Variants in SLC30A6 observed in about 807,000 individuals in gnomAD.
SLC30A6 encodes the protein solute carrier family 30 member 6, also known as zinc transporter 6.
In SLC30A6, 55 loss-of-function variants were observed where a neutral mutation model predicts 63.0. The observed-to-expected ratio is 0.87, with a 90% CI of 0.70 to 1.09. The LOEUF is 1.09. Among genes scored for constraint, SLC30A6 ranks in the 50% least tolerant of loss-of-function variants. The probability of loss-of-function intolerance (pLI) is 0.00; values close to 1 mark genes in which losing one functional copy is unlikely to be tolerated. For synonymous variants in SLC30A6, 224 were observed against 186.1 expected (o/e 1.20, Z -1.66); for missense variants, 587 against 549.2 (o/e 1.07, Z -0.69).
intron 13 of SLC30A6, among the ~76,000 whole-genome samples, chr2:32,212,894 A>ATTTTTTTTTT: frequency 8.5e-6 from 1 of 118,244 alleles, no homozygotes; most frequent in African/African-American, 3.2e-5. Context: ...TGTGTCCAGC[A>ATTTTTTTTTT]TTTTTTTTTT....
chr2:32,211,368 A>C (rs187996811), intron 13 of SLC30A6, among the ~76,000 whole-genome samples: 8 of 152,248 alleles, frequency 5.3e-5, no homozygotes, highest in African/African-American at 1.9e-4. Context: ...GATTGGATAT[A>C]AACTCTTCAG....
intron 12 of SLC30A6, among the ~76,000 whole-genome samples, chr2:32,208,026 G>C (rs978719044): frequency 2.6e-5 from 4 of 151,462 alleles, no homozygotes; most frequent in African/African-American, 9.7e-5. Context: ...TAGAGACGGG[G>C]TTTCACCATG....
At position 32,186,710 on chromosome 2, in the gene SLC30A6, T is replaced by G. The variant is rs528652180; in HGVS notation, c.284+2372T>G. ...CTGTCTCAAAAAAAAAAAAATTAGT[T>G]TGGGGAGTCAGATGCAGTGGCTCAT... On this transcript the variant is annotated intron_variant, in intron 5 of 13. Coordinates refer to ENST00000282587, the MANE Select transcript of SLC30A6 (RefSeq NM_017964.5). Among the ~76,000 whole-genome samples, 67 of 146,762 alleles carry G rather than the reference T, an allele frequency of 4.6e-4. 1 individual carries two copies. In the East Asian group the frequency reaches 0.012, roughly 27 times the overall value.
intron 13 of SLC30A6, among the ~76,000 whole-genome samples, chr2:32,215,855 C>T (rs140961135): frequency 2.4e-5 from 3 of 124,726 alleles, no homozygotes; most frequent in African/African-American, 9.1e-5. Flanking sequence ...CATATGTGTG[C>T]CTGGCTAATT....
rs545693818 is a variant in SLC30A6, at chr2:32,209,433, A to G, written c.817-60A>G. On this transcript the variant is annotated intron_variant, in intron 12 of 13. Transcript: ENST00000282587. ...TTTAAACTAAGTCCATAATGTGACT[A>G]AACTGCATTGGATATGTTAAGTACA... is the stretch of plus-strand genomic sequence containing the variant. 6.7e-6 allele frequency: 9 copies of G among 1,351,704 alleles called. No individual in the cohort carries two copies. The African/African-American group carries it at 1.0e-4, about 16-fold the overall frequency. 83.7% of individuals were successfully genotyped at this position (1,351,704 alleles called of 1,614,324 possible). A position where few individuals can be genotyped will look rare whatever the true frequency, so the allele number is the denominator to read the frequency against.
At position 32,175,423 on chromosome 2, in the gene SLC30A6, T is replaced by C. The variant is rs1031762292; in HGVS notation, c.218+62T>C. The C allele has an allele frequency of 2.1e-6, 3 of 1,426,312 alleles. No homozygotes were observed. In the African/African-American group the frequency reaches 4.3e-5, roughly 20 times the overall value. 88.4% of individuals were successfully genotyped at this position (1,426,312 alleles called of 1,614,324 possible). ...TAAGGAACTTGGTAGAAATGTGGTA[T>C]AGCCATACAATTCAGCAATAAAAAC... On this transcript the variant is annotated intron_variant, in intron 4 of 13. Coordinates refer to ENST00000282587, the MANE Select transcript of SLC30A6 (RefSeq NM_017964.5).
In SLC30A6 at chr2:32,209,576, A is replaced by G. The variant is rs550172349; in HGVS notation, c.885+15A>G. 15 of 1,577,000 alleles carry G rather than the reference A, an allele frequency of 9.5e-6. No homozygotes were observed. The highest frequency in any genetic ancestry group is 1.3e-5 in the Non-Finnish European group (15 of 1,162,224). On this transcript the variant is annotated intron_variant, in intron 13 of 13. Transcript: ENST00000282587. Reference sequence around the variant, plus strand: ...TTGGCTCATTGGTATGTTCTTTTACATATGACTTTAGTTATAATTTAAAAT... The same window carrying G: ...TTGGCTCATTGGTATGTTCTTTTACGTATGACTTTAGTTATAATTTAAAAT...
chr2:32,217,759 C>T (rs1057074862), intron 13 of SLC30A6, among the ~76,000 whole-genome samples: 3 of 151,482 alleles, frequency 2.0e-5, no homozygotes, highest in African/African-American at 4.8e-5. Flanking sequence ...TCATAGTTCT[C>T]CTTGTAGAGA....
chr2:32,217,970 A>C (rs948267628), intron 13 of SLC30A6, among the ~76,000 whole-genome samples: 4 of 151,902 alleles, frequency 2.6e-5, no homozygotes, highest in African/African-American at 9.7e-5. Context: ...TGCGTAGCTG[A>C]GTAGCTGGCA....
Position 32,220,372 on chromosome 2 carries a change from A to G in SLC30A6, c.1045A>G (p.Asn349Asp). The part of the protein sequence containing the change: ...PALLSGPVAA[N>D]VLNFSDHHVI... ...CTTATTGTCTGGGCCTGTTGCAGCC[A>G]ATGTCCTAAACTTTTCAGATCATCA... The change falls in exon 14 of 14, where the codon AAT (asparagine) becomes GAT (aspartate). Residue 349 changes from asparagine (N) to aspartate (D), a missense_variant. Physicochemically the swap from Asn to Asp is conservative, Grantham distance 23. Coordinates refer to ENST00000282587, the MANE Select transcript of SLC30A6 (RefSeq NM_017964.5). The G allele has an allele frequency of 6.2e-7, 1 of 1,614,178 alleles. No homozygotes were observed. The highest frequency in any genetic ancestry group is 1.1e-5 in the South Asian group (1 of 91,088).
At chr2:32,183,049 T>C (rs1682476314) in intron 4 of SLC30A6, among the ~76,000 whole-genome samples, 1 of 151,878 alleles carries the variant, frequency 6.6e-6, no homozygotes, top group African/African-American at 2.4e-5. Context: ...TAGCCGGGCA[T>C]GGTGGTGCAT....
intron 13 of SLC30A6, among the ~76,000 whole-genome samples, chr2:32,213,901 T>G (rs1685478472): frequency 6.6e-6 from 1 of 150,800 alleles, no homozygotes; most frequent in African/African-American, 2.4e-5. Context: ...CCTCCTGAGT[T>G]CAAGCAACTC....
At chr2:32,204,784 AATTTTT>A (rs1684601039) in intron 11 of SLC30A6, 92 bp downstream of exon 11, 1 of 558,130 alleles carries the variant, frequency 1.8e-6, no homozygotes. Context: ...AAGATTGTGA[AATTTTT>A]ATTTTTATTT....
chr2:32,220,605 AGGACTT>A lies in SLC30A6; in HGVS notation c.1282_1287del (p.Leu428_Gly429del). ...CACCTTACAGCAGCATGCTTAATCA[AGGACTT>A]GGAGTTCCAGGAATTGGAGCAACTC... On this transcript the variant is annotated inframe_deletion, in exon 14 of 14. Transcript: ENST00000282587. The A allele has an allele frequency of 1.2e-6, 2 of 1,614,226 alleles. No homozygotes were observed. The highest frequency in any genetic ancestry group is 8.5e-7 in the Non-Finnish European group (1 of 1,180,044).
chr2:32,196,732 G>A (rs1048382761), intron 8 of SLC30A6, among the ~76,000 whole-genome samples: 7 of 152,084 alleles, frequency 4.6e-5, no homozygotes, highest in African/African-American at 1.4e-4. Flanking sequence ...CCTATGGCCC[G>A]TTCTCAGCAC....
chr2:32,174,451 C>T (rs1681528504), intron 3 of SLC30A6, among the ~76,000 whole-genome samples: 2 of 151,986 alleles, frequency 1.3e-5, no homozygotes, highest in East Asian at 1.9e-4. Flanking sequence ...CCTTGGCCTC[C>T]CAGAGTGCTG....
At chr2:32,166,691 G>A (rs1680690408) in intron 1 of SLC30A6, among the ~76,000 whole-genome samples, 1 of 152,216 alleles carries the variant, frequency 6.6e-6, no homozygotes, top group Non-Finnish European at 1.5e-5. Context: ...CTTATTGATA[G>A]CCTACGTATG....
In SLC30A6 at chr2:32,220,578, C is replaced by G; in HGVS notation, c.1251C>G (p.His417Gln). 1.2e-6 allele frequency: 2 copies of G among 1,614,210 alleles called. No individual in the cohort carries two copies. Among genetic ancestry groups the G allele is most frequent in the Non-Finnish European group, 1.7e-6 (2 of 1,180,038 alleles). ...ATGGTTTTGGTCTCAATCATGGACA[C>G]ACACCTTACAGCAGCATGCTTAATC... ...RPYGFGLNHG[H>Q]TPYSSMLNQG... is the part of the protein sequence containing the mutation. Residue 417 changes from histidine to glutamine, a missense_variant, in exon 14 of 14, where the codon CAC becomes CAG. Physicochemically the swap from His to Gln is conservative, Grantham distance 24. Transcript: ENST00000282587.
intron 5 of SLC30A6, among the ~76,000 whole-genome samples, chr2:32,189,365 C>G (rs1368358968): frequency 2.0e-5 from 3 of 148,898 alleles, no homozygotes; most frequent in African/African-American, 7.4e-5. Flanking sequence ...GACCTTGGCT[C>G]ACTGCAACCT....
Sources: gnomAD v4.1 joint callset for allele counts (sites outside exome capture counted in the v4.1 genomes callset) on GRCh38, gnomAD v4.1.1 for gene constraint, MANE v1.5 for transcripts, NCBI Gene and HGNC (gene_info 2026-07-23, HGNC 2026-07-21) for gene names.